The following CDH6 variants were observed in gnomAD, a reference collection of about 807,000 sequenced individuals.
CDH6 encodes the protein cadherin 6.
Under a neutral mutation model 78.0 loss-of-function variants are expected in CDH6, and 31 were observed. The observed-to-expected ratio is 0.40, with a 90% confidence interval of 0.30 to 0.54. The LOEUF (loss-of-function observed/expected upper bound fraction) is 0.54, where lower values mean the gene tolerates loss of function less well. Among genes scored for constraint, CDH6 ranks in the 20% least tolerant of loss-of-function variants. The pLI is 0.56. For synonymous variants in CDH6, 376 were observed against 368.8 expected (o/e 1.02, Z -0.23); for missense variants, 724 against 975.9 (o/e 0.74, Z 3.44).
chr5:31,229,461 C>G (rs1741252866), intron 1 of CDH6, among the ~76,000 whole-genome samples: 1 of 152,218 alleles, frequency 6.6e-6, no homozygotes, highest in South Asian at 2.1e-4. Context: ...CTCTCTGGAG[C>G]TGTTAGGCAT....
intron 11 of CDH6, chr5:31,318,694 G>A (rs984719483): frequency 4.4e-6 from 1 of 228,808 alleles, no homozygotes; most frequent in Non-Finnish European, 8.7e-6. Flanking sequence ...ATTTGTTAAT[G>A]CAGCCCTTCC....
chr5:31,258,580 T>C (rs1296417509), intron 1 of CDH6, among the ~76,000 whole-genome samples: 2 of 151,914 alleles, frequency 1.3e-5, no homozygotes. Context: ...GGCATGTGTA[T>C]ATCTATGAAA....
Position 31,313,424 on chromosome 5 carries a change from C to A in CDH6, c.1360C>A (p.His454Asn). 6.2e-7 allele frequency: 1 copy of A among 1,613,904 alleles called. No homozygotes were observed. The highest frequency in any genetic ancestry group is 8.5e-7 in the Non-Finnish European group (1 of 1,179,826). Residue 454 changes from histidine (H) to asparagine (N), a missense_variant, in exon 8 of 12, where the codon CAC becomes AAC. His to Asn is a moderately conservative substitution (Grantham distance 68). This residue lies in a region of CDH6 where 446 missense variants were observed against 684.5 expected (regional missense o/e 0.65). Transcript: ENST00000265071. ...TCTTGACCGAGAAACACTGCTATGG[C>A]ACAACATTACAGTGATAGCAACAGA... ...KLLDRETLLW[H>N]NITVIATEIN...
intron 1 of CDH6, among the ~76,000 whole-genome samples, chr5:31,244,956 A>G (rs187778878): frequency 6.0e-4 from 92 of 152,346 alleles, no homozygotes; most frequent in African/African-American, 2.1e-3. Flanking sequence ...GGCCCAGAAA[A>G]TATAAAGAAG....
At chr5:31,194,535 G>A (rs1312024692) in intron 1 of CDH6, among the ~76,000 whole-genome samples, 1 of 152,142 alleles carries the variant, frequency 6.6e-6, no homozygotes, top group Non-Finnish European at 1.5e-5. Flanking sequence ...AACGCCTGCC[G>A]GCTCATCTAG....
At chr5:31,254,035 C>G (rs1343886709) in intron 1 of CDH6, among the ~76,000 whole-genome samples, 1 of 152,140 alleles carries the variant, frequency 6.6e-6, no homozygotes, top group Non-Finnish European at 1.5e-5. Context: ...AAATTTTAAG[C>G]TGCACACTGT....
At position 31,328,128 on chromosome 5, in the gene CDH6, G is replaced by C. The variant is rs1375331069; in HGVS notation, c.*4820G>C. 1 of 209,504 alleles carries C rather than the reference G, an allele frequency of 4.8e-6. No individual in the cohort carries two copies. Among genetic ancestry groups the C allele is most frequent in the Non-Finnish European group, 9.7e-6 (1 of 103,562 alleles). The allele number at this position is 209,504 out of a possible 1,614,324, so 13.0% of individuals were successfully genotyped here. On this transcript the variant is annotated 3_prime_UTR_variant, in exon 12 of 12. Transcript: ENST00000265071. Reference sequence around the variant, plus strand: ...TGAGGCACTTAGCCGAGGAGCCACTGGGTTATTAGATTAATTTCAAAAGAG... The same window carrying C: ...TGAGGCACTTAGCCGAGGAGCCACTCGGTTATTAGATTAATTTCAAAAGAG...
At chr5:31,314,548 G>A (rs568144171) in intron 8 of CDH6, among the ~76,000 whole-genome samples, 1 of 151,908 alleles carries the variant, frequency 6.6e-6, no homozygotes, top group East Asian at 1.9e-4. Flanking sequence ...ACCAATATGG[G>A]CAAAATGAAG....
chr5:31,199,480 G>GTATATATATGTACACACATATGTGTA (rs35730764), intron 1 of CDH6, among the ~76,000 whole-genome samples: 556 of 32,060 alleles, frequency 0.017, 4 homozygotes, highest in African/African-American at 0.052. Context: ...ACACATATGT[G>GTATATATATGTACACACATATGTGTA]TATATATGTA....
chr5:31,264,530 C>T (rs1367171819), intron 1 of CDH6, among the ~76,000 whole-genome samples: 3 of 152,116 alleles, frequency 2.0e-5, no homozygotes, highest in South Asian at 4.1e-4. Flanking sequence ...TTGATCATAA[C>T]CACTATGCAA....
chr5:31,273,557 T>C (rs562496899), intron 2 of CDH6, among the ~76,000 whole-genome samples: 10 of 152,310 alleles, frequency 6.6e-5, no homozygotes, highest in African/African-American at 2.4e-4. Flanking sequence ...CGACAGACGA[T>C]ACTGTCTGAC....
At chr5:31,223,759 A>G (rs1261704966) in intron 1 of CDH6, among the ~76,000 whole-genome samples, 1 of 152,220 alleles carries the variant, frequency 6.6e-6, no homozygotes, top group East Asian at 1.9e-4. Context: ...AAAAGAAAGA[A>G]GAATGGATAT....
chr5:31,295,167 A>G (rs1430068603), intron 3 of CDH6, among the ~76,000 whole-genome samples: 1 of 152,226 alleles, frequency 6.6e-6, no homozygotes, highest in African/African-American at 2.4e-5. Flanking sequence ...TTTCTTATGA[A>G]GAAATTGCTT....
chr5:31,298,052 T>C (rs1041817172), intron 4 of CDH6, among the ~76,000 whole-genome samples: 2 of 152,196 alleles, frequency 1.3e-5, no homozygotes, highest in African/African-American at 2.4e-5. Flanking sequence ...ATCAAATCAT[T>C]GTCTAGCCCA....
chr5:31,251,969 TA>T (rs1277326755), intron 1 of CDH6: 4 of 152,332 alleles, frequency 2.6e-5, no homozygotes, highest in African/African-American at 7.2e-5. Flanking sequence ...CTTTCCCATA[TA>T]GCTGAAGCTG....
chr5:31,291,104 A>G (rs571571049), intron 2 of CDH6, among the ~76,000 whole-genome samples: 1 of 152,202 alleles, frequency 6.6e-6, no homozygotes, highest in Non-Finnish European at 1.5e-5. Context: ...ACATACTGAA[A>G]CCGATGAAAG....
intron 2 of CDH6, among the ~76,000 whole-genome samples, chr5:31,289,471 C>T (rs899578349): frequency 2.6e-5 from 4 of 152,036 alleles, no homozygotes; most frequent in African/African-American, 4.8e-5. Context: ...ATTTCTTTTC[C>T]TTTGGATAGA....
chr5:31,216,488 G>C (rs1371067113), intron 1 of CDH6, among the ~76,000 whole-genome samples: 1 of 151,706 alleles, frequency 6.6e-6, no homozygotes, highest in African/African-American at 2.4e-5. Flanking sequence ...TAAAATTTTT[G>C]GAACAAATTG....
Position 31,317,768 on chromosome 5 carries a change from C to A in CDH6, c.1726C>A (p.Pro576Thr), listed in dbSNP as rs1738366592. 1 of 1,614,020 alleles carries A rather than the reference C, an allele frequency of 6.2e-7. No homozygotes were observed. The highest frequency in any genetic ancestry group is 8.5e-7 in the Non-Finnish European group (1 of 1,180,044). ...LPVVISDNDY[P>T]VQSSTGTVTV... ...TGTGGTCATTTCAGACAACGACTACCCAGTTCAAAGCAGCACTGGGACAGT... is the reference window on the plus strand; with the variant it reads ...TGTGGTCATTTCAGACAACGACTACACAGTTCAAAGCAGCACTGGGACAGT... Residue 576 changes from proline (P) to threonine (T), a missense_variant, in exon 11 of 12, where the codon CCA becomes ACA. By Grantham distance (38) the Pro-to-Thr change is conservative. Around this residue, in one of 3 missense-constraint regions of CDH6, gnomAD observed 446 missense variants for 684.5 expected, o/e 0.65. Coordinates refer to ENST00000265071, the MANE Select transcript of CDH6 (RefSeq NM_004932.4).
Sources: allele counts gnomAD v4.1 joint callset (sites outside exome capture counted in the v4.1 genomes callset), GRCh38; gene constraint gnomAD v4.1.1; regional missense constraint gnomAD v4.1.1; transcripts MANE v1.5; gene names NCBI Gene and HGNC (gene_info 2026-07-23, HGNC 2026-07-21).